DEF8: variants seen among roughly 807,000 people sequenced by gnomAD.
The protein encoded by DEF8 is differentially expressed in FDCP 8 homolog, also known as DEF-8.
Under a neutral mutation model 59.1 loss-of-function variants are expected in DEF8, and 38 were observed. That is an observed-to-expected ratio of 0.64 (90% confidence interval 0.50 to 0.84). The LOEUF (loss-of-function observed/expected upper bound fraction) is 0.84. Among genes scored for constraint, DEF8 ranks in the 40% least tolerant of loss-of-function variants. The pLI, the probability that DEF8 is intolerant of heterozygous loss-of-function variation, is 0.00. For missense variants in DEF8, 557 were observed against 615.2 expected (o/e 0.91, Z 1.00); for synonymous variants, 265 against 250.1 (o/e 1.06, Z -0.56).
Position 89,961,017 on chromosome 16 carries a change from G to T in DEF8, c.601G>T (p.Glu201Ter). Residue 201 changes from glutamate to a stop codon, truncating the protein, a stop_gained, in exon 7 of 13, where the codon GAA becomes TAA. Coordinates refer to ENST00000563594, the MANE Select transcript of DEF8 (RefSeq NM_001242818.2). LOFTEE classifies it high-confidence loss of function. ...CAAAGTCAGCCACCAAGCTGAATACGAACTGAACATCTGCCCTGAGACAGG... is the reference window on the plus strand; with the variant it reads ...CAAAGTCAGCCACCAAGCTGAATACTAACTGAACATCTGCCCTGAGACAGG... ...SSKVSHQAEY[E>*]LNICPETGLD... 1.9e-6 allele frequency: 3 copies of T among 1,614,128 alleles called. No homozygotes were observed. The highest frequency in any genetic ancestry group is 2.5e-6 in the Non-Finnish European group (3 of 1,180,026).
rs2034387240 is a variant in DEF8, at chr16:89,964,162, C to T, written c.1003-8C>T. ...GTGCAGGGCGTCACGGCTGCTGGGA[C>T]TTGGCAGCTCCAGGATCGGCAGCAT... On this transcript the variant is annotated splice_region_variant and splice_polypyrimidine_tract_variant and intron_variant, in intron 10 of 12. Transcript: ENST00000563594. 6.2e-7 allele frequency: 1 copy of T among 1,613,840 alleles called. No individual in the cohort carries two copies. The highest frequency in any genetic ancestry group is 1.3e-5 in the African/African-American group (1 of 74,900).
intron 11 of DEF8, 29 bp downstream of exon 11, chr16:89,964,339 T>C (rs1405924525): frequency 6.4e-7 from 1 of 1,563,648 alleles, no homozygotes; most frequent in Non-Finnish European, 8.7e-7. Flanking sequence ...GCCGCTCTTC[T>C]CCAACCCCAG....
At chr16:89,961,129 A>G (rs755293174) in intron 7 of DEF8, 34 bp downstream of exon 7, 1 of 1,595,210 alleles carries the variant, frequency 6.3e-7, no homozygotes, top group Non-Finnish European at 8.6e-7. Flanking sequence ...AGGGTGAGGG[A>G]GCTGTTCCTG....
At chr16:89,961,974 G>A (rs769527102) in intron 8 of DEF8, 38 bp from the exon 9 acceptor site, 1 of 1,611,448 alleles carries the variant, frequency 6.2e-7, no homozygotes, top group Non-Finnish European at 8.5e-7. Flanking sequence ...ACGGGCCCTG[G>A]GTGGGTGTGA....
Position 89,963,839 on chromosome 16 carries a change from C to A in DEF8, c.1003-331C>A, listed in dbSNP as rs1262677144. The A allele has an allele frequency of 6.1e-6, 3 of 489,410 alleles. No individual in the cohort carries two copies. The Admixed American group carries it at 9.8e-5, about 16-fold the overall frequency. 30.3% of individuals were successfully genotyped at this position (489,410 alleles called of 1,614,324 possible). ...TCAAGTAGGGAAGACAAGAAAAATA[C>A]GTTGTGTGCTGGGGTGGTGAACTCT... On this transcript the variant is annotated intron_variant, in intron 10 of 12. Coordinates refer to ENST00000563594, the MANE Select transcript of DEF8 (RefSeq NM_001242818.2).
rs140789615 is a variant in DEF8 at position 89,949,517 on chromosome 16, T to C, written c.-11+4T>C. The stretch of plus-strand genomic sequence containing the variant: ...TGGGCCCTGGCAGGCGATGCAGGTA[T>C]GGGCAGACAGGACGCTGTTGACTCC... On this transcript the variant is annotated splice_donor_region_variant and intron_variant, in intron 2 of 12. Transcript: ENST00000563594. The C allele has an allele frequency of 6.6e-5, 107 of 1,613,150 alleles. No individual in the cohort carries two copies. The highest frequency in any genetic ancestry group is 8.8e-5 in the Non-Finnish European group (104 of 1,179,908).
intron 10 of DEF8, 112 bp downstream of exon 10, chr16:89,963,555 G>A: frequency 1.2e-6 from 1 of 815,670 alleles, no homozygotes; most frequent in Non-Finnish European, 1.9e-6. Context: ...TTTAGCAGAG[G>A]GTCGCCTCAC....
chr16:89,963,828 CA>C (rs972189391), intron 10 of DEF8: 3 of 486,438 alleles, frequency 6.2e-6, no homozygotes, highest in South Asian at 2.2e-5. Context: ...GTAGGGAAGA[CA>C]AGAAAAATAC....
At chr16:89,964,013 G>A (rs1279687777) in intron 10 of DEF8, 157 bp from the exon 11 acceptor site, 2 of 1,002,824 alleles carry the variant, frequency 2.0e-6, no homozygotes, top group Non-Finnish European at 3.1e-6. Context: ...TCCCCTGTCG[G>A]CTTCCTGGGG....
At chr16:89,948,840 CG>C (rs1241541418) in intron 1 of DEF8, 26 bp downstream of exon 1, 7 of 827,036 alleles carry the variant, frequency 8.5e-6, no homozygotes, top group Non-Finnish European at 9.8e-6. Context: ...CCGGCGGGGT[CG>C]GGGCCGGCGG....
chr16:89,961,905 A>G, intron 8 of DEF8, 41 bp downstream of exon 8: 1 of 1,594,430 alleles, frequency 6.3e-7, no homozygotes, highest in Non-Finnish European at 8.6e-7. Context: ...GGGGAGGGAG[A>G]GCAGGAAGGG....
In DEF8 at chr16:89,965,888, T is replaced by A. The variant is rs11861894; in HGVS notation, c.1281T>A (p.Thr427=). ...HRDCYYDNST[T]CPKCARLSLR... ...ACTGCTACTACGACAACTCCACCAC[T>A]TGTCCCAAGTGTGCCCGGCTCAGCC... is the stretch of plus-strand genomic sequence containing the variant. Residue 427 remains threonine, a synonymous_variant, in exon 13 of 13, where the codon ACT becomes ACA. Coordinates refer to ENST00000563594, the MANE Select transcript of DEF8 (RefSeq NM_001242818.2). 3.1e-6 allele frequency: 5 copies of A among 1,613,330 alleles called. No homozygotes were observed. The African/African-American group carries it at 6.7e-5, about 22-fold the overall frequency.
rs368298082 is a variant in DEF8, at chr16:89,957,531, C to T, written c.243C>T (p.Asp81=). The change falls in exon 5 of 13, where the codon GAC becomes GAT. Residue 81 remains aspartate (D), a synonymous_variant. Transcript: ENST00000563594. ...SRPVGLFLAS[D]VQQLRQAIEE... The stretch of plus-strand genomic sequence containing the variant: ...GGCAGGGTCTGTTCCTGGCCTCTGA[C>T]GTCCAGCAGCTGCGGCAGGCGATCG... 54 of 1,591,268 alleles carry T rather than the reference C, an allele frequency of 3.4e-5. No homozygotes were observed. The highest frequency in any genetic ancestry group is 5.7e-5 in the South Asian group (5 of 87,774).
chr16:89,957,809 AG>A, intron 5 of DEF8, 149 bp downstream of exon 5: 2 of 954,732 alleles, frequency 2.1e-6, no homozygotes, highest in Non-Finnish European at 3.0e-6. Context: ...CGAGACAGGC[AG>A]GGTGGAAGAC....
intron 2 of DEF8, among the ~76,000 whole-genome samples, chr16:89,951,347 C>T (rs1295202540): frequency 4.0e-5 from 6 of 151,846 alleles, no homozygotes; most frequent in African/African-American, 1.2e-4. Context: ...TGGGTTCAAG[C>T]GATTCTCCTG....
At chr16:89,950,143 C>T (rs1426305211) in intron 2 of DEF8, 24 of 987,256 alleles carry the variant, frequency 2.4e-5, no homozygotes, top group African/African-American at 3.5e-5. Context: ...CCTTCCTTGA[C>T]GCTCCTCTGG....
intron 6 of DEF8, 110 bp downstream of exon 6, chr16:89,959,265 C>T: frequency 6.4e-7 from 1 of 1,552,572 alleles, no homozygotes; most frequent in Non-Finnish European, 8.7e-7. Context: ...ACTAGCCAAA[C>T]ATGGCCAGTC....
intron 9 of DEF8, among the ~76,000 whole-genome samples, chr16:89,963,020 G>C (rs986246306): frequency 2.6e-5 from 4 of 152,282 alleles, no homozygotes; most frequent in African/African-American, 9.6e-5. Flanking sequence ...GGAGGAGACT[G>C]TGGCAGCACG....
chr16:89,959,151 C>G lies in DEF8; in HGVS notation c.510C>G (p.Cys170Trp), dbSNP rs1284737776. Residue 170 changes from cysteine to tryptophan, a missense_variant, in exon 6 of 13, where the codon TGC (cysteine) becomes TGG (tryptophan). Transcript: ENST00000563594. ...GGCTCATTCAGACCTGGTACACCTG[C>G]ACAGGTGGGCCGAGACCCAGACGAG... ...IWGLIQTWYTCTGCYYRCHSK... is the reference protein window; with the variant it reads ...IWGLIQTWYTWTGCYYRCHSK... The G allele has an allele frequency of 6.2e-7, 1 of 1,613,754 alleles. No individual in the cohort carries two copies. Among genetic ancestry groups the G allele is most frequent in the Non-Finnish European group, 8.5e-7 (1 of 1,179,992 alleles).
Sources: allele counts gnomAD v4.1 joint callset (sites outside exome capture counted in the v4.1 genomes callset), GRCh38; gene constraint gnomAD v4.1.1; transcripts MANE v1.5; gene names NCBI Gene and HGNC (gene_info 2026-07-23, HGNC 2026-07-21).